HMCN1: variants seen among roughly 807,000 people sequenced by gnomAD.
The protein encoded by HMCN1 is hemicentin-1.
A neutral mutation model predicts 625.9 loss-of-function variants in HMCN1; 321 were observed. The ratio of observed to expected loss-of-function variants is 0.51; its 90% confidence interval spans 0.47 to 0.56. The LOEUF (loss-of-function observed/expected upper bound fraction) is 0.56. HMCN1 is among the 20% of genes least tolerant of loss of function. HMCN1 has a pLI of 0.00. For synonymous variants in HMCN1, 2,425 were observed against 2,417.6 expected, an observed-to-expected ratio of 1.00 and a Z score of -0.09; for missense variants, 6,588 against 6,887.3, an observed-to-expected ratio of 0.96 and a Z score of 1.54.
intron 55 of HMCN1, among the ~76,000 whole-genome samples, chr1:186,079,118 TCTCTCATCAGCAG>T (rs1659008531): frequency 6.7e-6 from 1 of 150,328 alleles, no homozygotes; most frequent in Admixed American, 6.6e-5. Context: ...CATCAGCAGC[TCTCTCATCAGCAG>T]CTCTCTCATC....
At chr1:185,983,710 C>A (rs964025074) in intron 18 of HMCN1, among the ~76,000 whole-genome samples, 3 of 152,176 alleles carry the variant, frequency 2.0e-5, no homozygotes, top group African/African-American at 4.8e-5. Context: ...TGTTACCTAA[C>A]AAGGGTGGGT....
At chr1:185,766,458 T>C (rs1655878568) in intron 1 of HMCN1, among the ~76,000 whole-genome samples, 1 of 152,074 alleles carries the variant, frequency 6.6e-6, no homozygotes, top group East Asian at 1.9e-4. Context: ...AAGCTCAGGA[T>C]AATGGTGAAC....
chr1:185,888,978 A>G (rs1258952434), intron 4 of HMCN1, among the ~76,000 whole-genome samples: 1 of 146,626 alleles, frequency 6.8e-6, no homozygotes, highest in Non-Finnish European at 1.5e-5. Context: ...GTCCTCTTTT[A>G]TTTCCTTGAG....
At chr1:185,771,222 G>A (rs1379836146) in intron 1 of HMCN1, among the ~76,000 whole-genome samples, 1 of 152,192 alleles carries the variant, frequency 6.6e-6, no homozygotes, top group African/African-American at 2.4e-5. Context: ...CTTGCATCAT[G>A]CCCAGCAGGC....
Position 186,116,421 on chromosome 1 carries a change from A to AATATATAT in HMCN1, c.11562-565_11562-558dup, listed in dbSNP as rs3057359. ...ACATACACACACTTGTTCAAAACTA[A>AATATATAT]ATATATATATATATACTTTTTTTGA... On this transcript the variant is annotated intron_variant, in intron 75 of 106. Coordinates refer to ENST00000271588, the MANE Select transcript of HMCN1 (RefSeq NM_031935.3). Among the ~76,000 whole-genome samples the AATATATAT allele has an allele frequency of 1.3e-3, 189 of 149,064 alleles. 2 individuals carry two copies. Among genetic ancestry groups the AATATATAT allele is most frequent in the African/African-American group, 4.2e-3 (170 of 40,578 alleles).
intron 42 of HMCN1, among the ~76,000 whole-genome samples, chr1:186,050,078 G>A (rs1489575887): frequency 6.7e-6 from 1 of 150,110 alleles, no homozygotes; most frequent in East Asian, 1.9e-4. Flanking sequence ...TTTATATCTA[G>A]TTCATTTATT....
At chr1:185,795,045 A>T (rs1658272252) in intron 1 of HMCN1, among the ~76,000 whole-genome samples, 1 of 152,204 alleles carries the variant, frequency 6.6e-6, no homozygotes, top group South Asian at 2.1e-4. Flanking sequence ...CCATTGAAGG[A>T]ACTATGCATG....
intron 1 of HMCN1, among the ~76,000 whole-genome samples, chr1:185,748,277 G>C (rs1271389798): frequency 1.3e-5 from 2 of 151,938 alleles, no homozygotes; most frequent in East Asian, 1.9e-4. Context: ...GGTCTTCCCA[G>C]CTCTTCTTAG....
intron 1 of HMCN1, among the ~76,000 whole-genome samples, chr1:185,783,263 G>T (rs1399552679): frequency 6.6e-6 from 1 of 152,126 alleles, no homozygotes; most frequent in Non-Finnish European, 1.5e-5. Flanking sequence ...TTTTATCAAG[G>T]TTTTTAGCTT....
At chr1:185,912,829 T>A (rs1244774413) in intron 6 of HMCN1, among the ~76,000 whole-genome samples, 1 of 152,136 alleles carries the variant, frequency 6.6e-6, no homozygotes, top group African/African-American at 2.4e-5. Context: ...AATAAACAAC[T>A]TGCTCTAGAA....
At chr1:185,977,436 T>G (rs1195933722) in intron 15 of HMCN1, among the ~76,000 whole-genome samples, 2 of 152,156 alleles carry the variant, frequency 1.3e-5, no homozygotes, top group African/African-American at 4.8e-5. Flanking sequence ...CCAACTTATT[T>G]ATAAGATAGT....
chr1:186,130,543 G>A lies in HMCN1; in HGVS notation c.13076G>A (p.Trp4359Ter). The A allele has an allele frequency of 6.2e-7, 1 of 1,613,448 alleles. No homozygotes were observed. Among genetic ancestry groups the A allele is most frequent in the Non-Finnish European group, 8.5e-7 (1 of 1,179,598 alleles). ...TTCAAAGGTGATTATCCTTCTAACT[G>A]GATTGAACCACTTGGTGGGAATGCA... ...PVFKGDYPSN[W>*]IEPLGGNAIL... The change falls in exon 85 of 107, where the codon TGG becomes TAG. Residue 4359 changes from tryptophan to a stop codon, truncating the protein, a stop_gained. Coordinates refer to ENST00000271588, the MANE Select transcript of HMCN1 (RefSeq NM_031935.3). LOFTEE classifies it high-confidence loss of function.
At position 186,165,084 on chromosome 1, in the gene HMCN1, T is replaced by C. The variant is rs762623129; in HGVS notation, c.15257-27T>C. ...AGGGGCAACTATTCCAATAAGCCAG[T>C]TAACTTTGCTTTCCTCTCTGTGGTA... On this transcript the variant is annotated intron_variant, in intron 97 of 106. Coordinates refer to ENST00000271588, the MANE Select transcript of HMCN1 (RefSeq NM_031935.3). The C allele has an allele frequency of 2.5e-6, 4 of 1,608,440 alleles. No homozygotes were observed. In the South Asian group the frequency reaches 3.3e-5, roughly 13 times the overall value.
Position 186,088,190 on chromosome 1 carries a change from C to T in HMCN1, c.9491C>T (p.Thr3164Met), listed in dbSNP as rs141412992. The change falls in exon 62 of 107, where the codon ACG becomes ATG. Residue 3164 changes from threonine (T) to methionine (M), a missense_variant. Transcript: ENST00000271588. ...CCTGAAAGAGAAGTGATTGTGGAGA[C>T]GATCAGCAATCCTGTGACATTAACA... ...EGPEREVIVE[T>M]ISNPVTLTCD... The T allele has an allele frequency of 7.4e-5, 119 of 1,612,238 alleles. No individual in the cohort carries two copies. The highest frequency in any genetic ancestry group is 4.9e-4 in the African/African-American group (37 of 74,940).
chr1:185,929,710 C>T (rs1667451242), intron 10 of HMCN1, among the ~76,000 whole-genome samples: 1 of 152,156 alleles, frequency 6.6e-6, no homozygotes, highest in African/African-American at 2.4e-5. Context: ...TGTTCACTAT[C>T]AGTAAGTTTA....
At chr1:185,989,319 A>T (rs1293349686) in intron 20 of HMCN1, among the ~76,000 whole-genome samples, 169 bp from the exon 21 acceptor site, 2 of 151,938 alleles carry the variant, frequency 1.3e-5, no homozygotes, top group African/African-American at 4.8e-5. Flanking sequence ...TTATTTGTCT[A>T]ATTTTTCTCA....
chr1:186,051,088 T>A (rs1042409636), intron 42 of HMCN1, among the ~76,000 whole-genome samples: 25 of 152,044 alleles, frequency 1.6e-4, no homozygotes, highest in African/African-American at 5.5e-4. Flanking sequence ...TGGAGCCTAG[T>A]GTGATGCAAG....
intron 69 of HMCN1, among the ~76,000 whole-genome samples, chr1:186,104,555 T>A (rs1298497662): frequency 6.6e-6 from 1 of 152,186 alleles, no homozygotes; most frequent in African/African-American, 2.4e-5. Context: ...TGTCCTGTTG[T>A]GTTCATCTCT....
At chr1:186,060,944 C>T (rs958847651) in intron 46 of HMCN1, among the ~76,000 whole-genome samples, 2 of 152,098 alleles carry the variant, frequency 1.3e-5, no homozygotes, top group Non-Finnish European at 2.9e-5. Context: ...TTTGTTTATA[C>T]ACTCCATAGT....
Sources: allele counts gnomAD v4.1 joint callset (sites outside exome capture counted in the v4.1 genomes callset), GRCh38; gene constraint gnomAD v4.1.1; transcripts MANE v1.5; gene names NCBI Gene and HGNC (gene_info 2026-07-23, HGNC 2026-07-21).